Variants in GALNT5 observed in about 807,000 individuals in gnomAD.
The protein encoded by GALNT5 is polypeptide N-acetylgalactosaminyltransferase 5.
GALNT5 carries 72 observed loss-of-function variants against 85.4 expected under a neutral mutation model. That is an observed-to-expected ratio of 0.84 (90% CI 0.70 to 1.03). The LOEUF (loss-of-function observed/expected upper bound fraction) is 1.03. Among genes scored for constraint, GALNT5 ranks in the 50% least tolerant of loss-of-function variants. The pLI is 0.00. For synonymous variants in GALNT5, 404 were observed against 397.0 expected (o/e 1.02, Z -0.21); for missense variants, 1,137 against 1,135.5 (o/e 1.00, Z -0.02).
intron 1 of GALNT5, among the ~76,000 whole-genome samples, chr2:157,268,165 A>C (rs1278756925): frequency 6.6e-6 from 1 of 152,192 alleles, no homozygotes; most frequent in Non-Finnish European, 1.5e-5. Flanking sequence ...CACATAGTAC[A>C]TCTTGACTGT....
At chr2:157,272,435 T>C (rs1682610687) in intron 1 of GALNT5, among the ~76,000 whole-genome samples, 3 of 152,344 alleles carry the variant, frequency 2.0e-5, no homozygotes, top group South Asian at 4.1e-4. Flanking sequence ...ACAGGGTATA[T>C]TGCATGCTGC....
In GALNT5 at chr2:157,259,268, A is replaced by T; in HGVS notation, c.1186A>T (p.Ile396Leu). The change falls in exon 1 of 10, where the codon ATA (isoleucine) becomes TTA (leucine). Residue 396 changes from isoleucine to leucine, a missense_variant. Ile to Leu is a conservative substitution (Grantham distance 5). Coordinates refer to ENST00000259056, the MANE Select transcript of GALNT5 (RefSeq NM_014568.3). ...TGGLEPAKIN[I>L]TAKAPSTEYN... is the part of the protein sequence containing the mutation. ...AGGGCTAGAGCCAGCAAAAATCAAC[A>T]TAACTGCCAAAGCCCCCTCTACAGA... 1 of 1,611,622 alleles carries T rather than the reference A, an allele frequency of 6.2e-7. No individual in the cohort carries two copies. Among genetic ancestry groups the T allele is most frequent in the Non-Finnish European group, 8.5e-7 (1 of 1,178,988 alleles).
At chr2:157,268,442 C>T (rs954042195) in intron 1 of GALNT5, among the ~76,000 whole-genome samples, 1 of 152,120 alleles carries the variant, frequency 6.6e-6, no homozygotes, top group Non-Finnish European at 1.5e-5. Context: ...TATGGGTAAT[C>T]GTAGGTTCTC....
chr2:157,273,982 A>C (rs1682659285), intron 1 of GALNT5, among the ~76,000 whole-genome samples: 1 of 150,248 alleles, frequency 6.7e-6, no homozygotes. Context: ...CCAGCCCCCC[A>C]CCCCCTAAAA....
chr2:157,295,825 C>T, intron 4 of GALNT5, 27 bp downstream of exon 4: 1 of 1,545,332 alleles, frequency 6.5e-7, no homozygotes, highest in Non-Finnish European at 8.9e-7. Flanking sequence ...CCACAAGATA[C>T]TTTCAAGCAC....
chr2:157,286,247 T>A, intron 3 of GALNT5, 113 bp downstream of exon 3: 1 of 775,850 alleles, frequency 1.3e-6, no homozygotes, highest in Admixed American at 2.6e-5. Flanking sequence ...TATGCATCAC[T>A]TAGTTCCATC....
intron 1 of GALNT5, among the ~76,000 whole-genome samples, chr2:157,267,691 A>C (rs1021109980): frequency 2.0e-5 from 3 of 152,178 alleles, no homozygotes; most frequent in Admixed American, 1.3e-4. Flanking sequence ...GTGAATGTTT[A>C]TGCTGGTGGC....
intron 3 of GALNT5, among the ~76,000 whole-genome samples, chr2:157,290,095 A>C (rs1285931014): frequency 2.2e-5 from 3 of 136,214 alleles, no homozygotes; most frequent in African/African-American, 3.2e-5. Flanking sequence ...ATGTATATAT[A>C]TATATATATA....
In GALNT5 at chr2:157,299,619, C is replaced by A; in HGVS notation, c.2069C>A (p.Pro690His). Reference sequence around the variant, plus strand: ...TTTTTTGAACTTGGAACATACGACCCTGGCCTTGATGTTTGGGGTGGGGAA... The same window carrying A: ...TTTTTTGAACTTGGAACATACGACCATGGCCTTGATGTTTGGGGTGGGGAA... Reference protein sequence around the residue: ...SYFFELGTYDPGLDVWGGENM... With the variant: ...SYFFELGTYDHGLDVWGGENM... Residue 690 changes from proline to histidine, a missense_variant, in exon 6 of 10, where the codon CCT becomes CAT. Coordinates refer to ENST00000259056, the MANE Select transcript of GALNT5 (RefSeq NM_014568.3). The A allele has an allele frequency of 1.2e-6, 2 of 1,613,000 alleles. No individual in the cohort carries two copies. The highest frequency in any genetic ancestry group is 1.7e-6 in the Non-Finnish European group (2 of 1,179,038).
chr2:157,258,958 T>G lies in GALNT5; in HGVS notation c.876T>G (p.Ser292=). The G allele has an allele frequency of 6.6e-7, 1 of 1,515,870 alleles. No homozygotes were observed. The highest frequency in any genetic ancestry group is 1.4e-5 in the South Asian group (1 of 72,762). 93.9% of individuals were successfully genotyped at this position (1,515,870 alleles called of 1,614,324 possible). ...ATTCAAATCGCTTAAGGAAGCAATC[T>G]ATTAATGAGACACCTTTGGGAAGTT... The part of the protein sequence containing the change: ...TVNSNRLRKQ[S]INETPLGSLS... The change falls in exon 1 of 10, where the codon TCT becomes TCG. Residue 292 remains serine, a synonymous_variant. Coordinates refer to ENST00000259056, the MANE Select transcript of GALNT5 (RefSeq NM_014568.3).
At chr2:157,300,062 A>G (rs1392109109) in intron 6 of GALNT5, among the ~76,000 whole-genome samples, 2 of 152,212 alleles carry the variant, frequency 1.3e-5, no homozygotes, top group Non-Finnish European at 2.9e-5. Flanking sequence ...ACATTAAAAT[A>G]CCTCTAAAGC....
At chr2:157,303,721 G>GA (rs554469246) in intron 7 of GALNT5, among the ~76,000 whole-genome samples, 141 of 151,806 alleles carry the variant, frequency 9.3e-4, no homozygotes, top group African/African-American at 3.3e-3. Context: ...TAAGAAAAAG[G>GA]AAAAAAAAAT....
chr2:157,271,703 G>A (rs181702175), intron 1 of GALNT5, among the ~76,000 whole-genome samples: 22 of 152,290 alleles, frequency 1.4e-4, no homozygotes, highest in African/African-American at 5.3e-4. Flanking sequence ...GTTGGGTTGA[G>A]TGGGGTGAAG....
intron 1 of GALNT5, among the ~76,000 whole-genome samples, chr2:157,264,953 C>T (rs16841442): frequency 0.25 from 37,794 of 151,854 alleles, 11,714 homozygotes; most frequent in African/African-American, 0.73. Context: ...GATTGGAGAA[C>T]ATTAATTAAA....
At chr2:157,299,439 A>C in intron 5 of GALNT5, 109 bp from the exon 6 acceptor site, 1 of 657,170 alleles carries the variant, frequency 1.5e-6, no homozygotes, top group Non-Finnish European at 2.8e-6. Context: ...TGCATCAGGT[A>C]GCTATTCTGA....
intron 9 of GALNT5, 107 bp downstream of exon 9, chr2:157,308,835 G>A (rs1404710361): frequency 1.2e-6 from 1 of 820,138 alleles, no homozygotes; most frequent in Admixed American, 2.8e-5. Flanking sequence ...TTGTGTGTTT[G>A]TGACCATGGG....
chr2:157,261,306 C>T (rs1682335394), intron 1 of GALNT5, among the ~76,000 whole-genome samples: 1 of 152,186 alleles, frequency 6.6e-6, no homozygotes, highest in Non-Finnish European at 1.5e-5. Context: ...GTGCTCAAAG[C>T]AAGTAATAAC....
chr2:157,277,929 C>G (rs570872588), intron 1 of GALNT5, among the ~76,000 whole-genome samples: 1 of 152,270 alleles, frequency 6.6e-6, no homozygotes, highest in African/African-American at 2.4e-5. Flanking sequence ...ATGGTCTTTA[C>G]AATTTGGTCT....
At chr2:157,262,277 A>G (rs1197301810) in intron 1 of GALNT5, among the ~76,000 whole-genome samples, 1 of 152,082 alleles carries the variant, frequency 6.6e-6, no homozygotes, top group Non-Finnish European at 1.5e-5. Context: ...AGTGAAGATA[A>G]TAACTAGTCG....
Sources: allele counts gnomAD v4.1 joint callset (sites outside exome capture counted in the v4.1 genomes callset), GRCh38; gene constraint gnomAD v4.1.1; transcripts MANE v1.5; gene names NCBI Gene and HGNC (gene_info 2026-07-23, HGNC 2026-07-21).